The following USP50 variants were observed in gnomAD, a reference collection of about 807,000 sequenced individuals.
USP50 encodes the protein ubiquitin carboxyl-terminal hydrolase 50.
USP50 carries 37 observed loss-of-function variants against 39.2 expected under a neutral mutation model. The ratio of observed to expected loss-of-function variants is 0.94; its 90% CI spans 0.73 to 1.24. USP50 has a LOEUF of 1.24. Among genes scored for constraint, USP50 ranks in the 50% most tolerant of loss-of-function variants. USP50 has a pLI of 0.00. For missense variants in USP50, 374 were observed against 398.2 expected (o/e 0.94, Z 0.52); for synonymous variants, 139 against 144.5 (o/e 0.96, Z 0.27).
At chr15:50,525,628 GTATATA>G (rs1370322817) in intron 6 of USP50, among the ~76,000 whole-genome samples, 5 of 118,292 alleles carry the variant, frequency 4.2e-5, no homozygotes, top group African/African-American at 1.9e-4. Context: ...ATATGTATAT[GTATATA>G]TGTATATGTG....
At chr15:50,512,943 C>G (rs990215341) in intron 6 of USP50, 14 of 152,112 alleles carry the variant, frequency 9.2e-5, no homozygotes, top group African/African-American at 3.1e-4. Flanking sequence ...AAAGTTATTT[C>G]TAACCCATGT....
At chr15:50,525,586 GTATATGTA>G (rs1156722636) in intron 6 of USP50, among the ~76,000 whole-genome samples, 1 of 126,144 alleles carries the variant, frequency 7.9e-6, no homozygotes, top group African/African-American at 3.2e-5. Flanking sequence ...ATGTATATAT[GTATATGTA>G]TATATGTATA....
chr15:50,493,919 A>T (rs1425594172), downstream of USP50: 1 of 941,702 alleles, frequency 1.1e-6, no homozygotes, highest in East Asian at 2.5e-5. Flanking sequence ...GATTCAGATG[A>T]GAATCTGGTG....
chr15:50,545,431 A>C (rs2053063420), intron 1 of USP50, among the ~76,000 whole-genome samples: 3 of 151,856 alleles, frequency 2.0e-5, no homozygotes. Flanking sequence ...ATGTAAAAAA[A>C]GGAATATCCA....
downstream of USP50, chr15:50,499,320 C>T (rs1350750001): frequency 2.8e-6 from 1 of 351,700 alleles, no homozygotes; most frequent in African/African-American, 2.1e-5. Flanking sequence ...CTTTTTTAGT[C>T]TGCTCCAAAG....
At chr15:50,522,939 C>T (rs1447529129) in intron 6 of USP50, among the ~76,000 whole-genome samples, 3 of 152,044 alleles carry the variant, frequency 2.0e-5, no homozygotes. Context: ...TGAGCCACCA[C>T]ATCCAGCCAC....
At chr15:50,521,312 G>C (rs1444538620) in intron 6 of USP50, among the ~76,000 whole-genome samples, 4 of 152,152 alleles carry the variant, frequency 2.6e-5, no homozygotes, top group African/African-American at 7.2e-5. Context: ...AAAGTGCTGA[G>C]ATTACAGGTG....
chr15:50,529,701 T>C lies in USP50; in HGVS notation c.936+96A>G, dbSNP rs888125540. ...GTCTATATTTTTTAAAAGTAGGGCA[T>C]AAGCCAGGGAGAGACAGGAGAAATA... is the stretch of plus-strand genomic sequence containing the variant. On this transcript the variant is annotated intron_variant, in intron 6 of 6. Coordinates refer to ENST00000532404, the MANE Select transcript of USP50 (RefSeq NM_203494.5). 9 of 1,389,608 alleles carry C rather than the reference T, an allele frequency of 6.5e-6. No individual in the cohort carries two copies. The African/African-American group carries it at 1.3e-4, about 20-fold the overall frequency. The allele number at this position is 1,389,608 out of a possible 1,614,324, so 86.1% of individuals were successfully genotyped here.
At chr15:50,513,518 T>TAAAA (rs35523535) in intron 6 of USP50, 8 of 85,946 alleles carry the variant, frequency 9.3e-5, no homozygotes, top group Admixed American at 2.7e-4. Context: ...CGAAACTGTC[T>TAAAA]AAAAAAAAAA....
chr15:50,534,195 TATATC>T (rs2052962883), intron 5 of USP50, among the ~76,000 whole-genome samples: 1 of 152,336 alleles, frequency 6.6e-6, no homozygotes, highest in African/African-American at 2.4e-5. Flanking sequence ...TGCTTATGCA[TATATC>T]ATATATATTC....
In USP50 at chr15:50,546,488, T is replaced by C. The variant is rs377496572; in HGVS notation, c.38A>G (p.Asp13Gly). 1.1e-5 allele frequency: 18 copies of C among 1,613,596 alleles called. No individual in the cohort carries two copies. Among genetic ancestry groups the C allele is most frequent in the Non-Finnish European group, 1.5e-5 (18 of 1,179,682 alleles). ...SQPSLPADDF[D>G]IYHVLAECTD... is the part of the protein sequence containing the mutation. The stretch of plus-strand genomic sequence containing the variant: ...CAAGGCTCACAGGACGTGGTAGATA[T>C]CGAAGTCATCTGCAGGGAGAGACGG... The change falls in exon 1 of 7, where the codon GAT becomes GGT. Residue 13 changes from aspartate to glycine, a missense_variant. Asp to Gly is a moderately conservative substitution (Grantham distance 94, BLOSUM62 -1). Transcript: ENST00000532404.
At chr15:50,528,874 G>A (rs1375199365) in intron 6 of USP50, among the ~76,000 whole-genome samples, 1 of 152,130 alleles carries the variant, frequency 6.6e-6, no homozygotes, top group Non-Finnish European at 1.5e-5. Flanking sequence ...ACTGGGCTCC[G>A]GTGGGAGTCT....
At chr15:50,518,233 T>TC (rs2141360444) in intron 6 of USP50, among the ~76,000 whole-genome samples, 1 of 151,454 alleles carries the variant, frequency 6.6e-6, no homozygotes, top group South Asian at 2.1e-4. Context: ...TTTTGTTTTT[T>TC]TTTTTGAGAC....
intron 4 of USP50, among the ~76,000 whole-genome samples, chr15:50,539,096 C>A (rs1187270725): frequency 6.7e-6 from 1 of 149,618 alleles, no homozygotes; most frequent in Non-Finnish European, 1.5e-5. Flanking sequence ...ATCTAGAAAT[C>A]AGTTTTTTTT....
chr15:50,536,679 A>C (rs2052983053), intron 5 of USP50, among the ~76,000 whole-genome samples: 1 of 152,176 alleles, frequency 6.6e-6, no homozygotes, highest in South Asian at 2.1e-4. Flanking sequence ...ATTAAAAAAA[A>C]ACACAATACC....
rs1463229981 is a variant in USP50, at chr15:50,544,754, G to C, written c.81C>G (p.Thr27=). ...VLAECTDYYD[T]LPVKEADGNQ... ...TCCCATCAGCCTCCTTAACTGGAAG[G>C]GTATCATAGTAATCTGTGCACTCTG... Residue 27 remains threonine, a synonymous_variant, in exon 2 of 7, where the codon ACC becomes ACG. Coordinates refer to ENST00000532404, the MANE Select transcript of USP50 (RefSeq NM_203494.5). The C allele has an allele frequency of 6.2e-7, 1 of 1,613,772 alleles. No homozygotes were observed.
intron 6 of USP50, among the ~76,000 whole-genome samples, chr15:50,519,497 G>A (rs751368389): frequency 1.2e-4 from 18 of 151,800 alleles, no homozygotes; most frequent in African/African-American, 3.9e-4. Context: ...GGTGGATCAC[G>A]AGGTCAGCAG....
At position 50,546,521 on chromosome 15, in the gene USP50, G is replaced by T; in HGVS notation, c.5C>A (p.Thr2Asn). 6.2e-7 allele frequency: 1 copy of T among 1,613,674 alleles called. No individual in the cohort carries two copies. Among genetic ancestry groups the T allele is most frequent in the Non-Finnish European group, 8.5e-7 (1 of 1,179,626 alleles). M[T>N]SQPSLPADDF... The stretch of plus-strand genomic sequence containing the variant: ...ATCTGCAGGGAGAGACGGCTGAGAA[G>T]TCATTTTAATGGAACCACGTTGGAC... Residue 2 changes from threonine to asparagine, a missense_variant, in exon 1 of 7, where the codon ACT (threonine) becomes AAT (asparagine). Thr to Asn is a moderately conservative substitution (Grantham distance 65). Coordinates refer to ENST00000532404, the MANE Select transcript of USP50 (RefSeq NM_203494.5).
At chr15:50,502,891 A>G (rs2052611295) in intron 6 of USP50, 1 of 152,190 alleles carries the variant, frequency 6.6e-6, no homozygotes, top group Admixed American at 6.5e-5. Context: ...CTGAGCTTTA[A>G]TTTCTCATCT....
Sources: allele counts gnomAD v4.1 joint callset (sites outside exome capture counted in the v4.1 genomes callset), GRCh38; gene constraint gnomAD v4.1.1; transcripts MANE v1.5; gene names NCBI Gene and HGNC (gene_info 2026-07-23, HGNC 2026-07-21).